CSMD1: variants seen among roughly 807,000 people sequenced by gnomAD.
The protein encoded by CSMD1 is CUB and sushi domain-containing protein 1.
Under a neutral mutation model 417.5 loss-of-function variants are expected in CSMD1, and 213 were observed. The observed-to-expected ratio is 0.51, with a 90% CI of 0.46 to 0.57. The LOEUF is 0.57. Ranked by LOEUF, CSMD1 falls within the 20% of genes least tolerant of loss-of-function variation. The pLI is 0.00. For synonymous variants in CSMD1, 2,862 were observed against 1,736.8 expected (o/e 1.65, Z -16.11); for missense variants, 6,923 against 4,529.7 (o/e 1.53, Z -15.17).
At chr8:4,871,133 G>A (rs972019836) in intron 1 of CSMD1, among the ~76,000 whole-genome samples, 5 of 152,150 alleles carry the variant, frequency 3.3e-5, no homozygotes, top group Non-Finnish European at 5.9e-5. Flanking sequence ...AGGTGCAGCC[G>A]TGATGAGAAT....
chr8:4,095,794 T>C (rs1005934780), intron 3 of CSMD1, among the ~76,000 whole-genome samples: 1 of 152,250 alleles, frequency 6.6e-6, no homozygotes, highest in African/African-American at 2.4e-5. Flanking sequence ...GTTTTATATA[T>C]GTATTTGTAT....
chr8:4,022,975 G>T (rs149875342), intron 4 of CSMD1, among the ~76,000 whole-genome samples: 1 of 152,192 alleles, frequency 6.6e-6, no homozygotes, highest in Non-Finnish European at 1.5e-5. Context: ...CAAATAAATA[G>T]CAGTATGGCA....
intron 3 of CSMD1, among the ~76,000 whole-genome samples, chr8:4,247,543 C>T (rs1026505066): frequency 6.6e-6 from 1 of 152,084 alleles, no homozygotes; most frequent in African/African-American, 2.4e-5. Context: ...CCCGAAGAAT[C>T]AAAGGCTTTT....
At chr8:3,829,625 T>C (rs1205899882) in intron 5 of CSMD1, among the ~76,000 whole-genome samples, 1 of 152,150 alleles carries the variant, frequency 6.6e-6, no homozygotes, top group East Asian at 1.9e-4. Context: ...AAGAAAAAGA[T>C]GTAGAATGAA....
At chr8:3,845,882 C>T (rs986643492) in intron 5 of CSMD1, among the ~76,000 whole-genome samples, 3 of 151,450 alleles carry the variant, frequency 2.0e-5, no homozygotes, top group Admixed American at 6.6e-5. Context: ...GACACAAACA[C>T]ACACGTTGTC....
chr8:3,106,966 C>A (rs1322042182), intron 45 of CSMD1: 2 of 210,378 alleles, frequency 9.5e-6, no homozygotes, highest in Non-Finnish European at 1.9e-5. Flanking sequence ...ATGGTTTAAG[C>A]AAGACTGTAA....
chr8:4,869,728 T>G (rs1211814795), intron 1 of CSMD1, among the ~76,000 whole-genome samples: 1 of 152,088 alleles, frequency 6.6e-6, no homozygotes, highest in Non-Finnish European at 1.5e-5. Context: ...CATGAAGTAA[T>G]AAAACGTTCC....
At chr8:3,546,690 G>T (rs545231098) in intron 10 of CSMD1, among the ~76,000 whole-genome samples, 10 of 152,056 alleles carry the variant, frequency 6.6e-5, no homozygotes, top group Non-Finnish European at 1.2e-4. Flanking sequence ...TAAACAGCTG[G>T]ACAAATCTTC....
At chr8:4,951,024 A>G (rs138945262) in intron 1 of CSMD1, among the ~76,000 whole-genome samples, 150 of 152,312 alleles carry the variant, frequency 9.8e-4, no homozygotes, top group African/African-American at 3.4e-3. Context: ...GAAGGGACCT[A>G]TACATAATTT....
intron 5 of CSMD1, among the ~76,000 whole-genome samples, chr8:3,759,032 C>A (rs1040302646): frequency 6.6e-6 from 1 of 152,184 alleles, no homozygotes; most frequent in Non-Finnish European, 1.5e-5. Context: ...AACGCCTTTT[C>A]CCATAGAGTC....
At chr8:3,790,838 G>A (rs1799695895) in intron 5 of CSMD1, among the ~76,000 whole-genome samples, 1 of 152,144 alleles carries the variant, frequency 6.6e-6, no homozygotes, top group Non-Finnish European at 1.5e-5. Flanking sequence ...AGAGCCCTGA[G>A]TAACCGTCCC....
intron 5 of CSMD1, among the ~76,000 whole-genome samples, chr8:3,928,440 G>T (rs908977639): frequency 4.6e-5 from 7 of 152,180 alleles, no homozygotes; most frequent in African/African-American, 1.7e-4. Context: ...TCAAAAACCA[G>T]TAACTGCTGA....
intron 50 of CSMD1, among the ~76,000 whole-genome samples, chr8:3,046,376 T>C (rs1394004534): frequency 6.6e-6 from 1 of 152,174 alleles, no homozygotes; most frequent in Non-Finnish European, 1.5e-5. Flanking sequence ...TCCGGTTCCT[T>C]CCACCCTACA....
Position 3,313,122 on chromosome 8 carries a change from G to C in CSMD1, c.3632-4619C>G, listed in dbSNP as rs1218195452. 2.6e-5 allele frequency among the ~76,000 whole-genome samples: 4 copies of C among 152,196 alleles called. No individual in the cohort carries two copies. In the South Asian group the frequency reaches 6.2e-4, roughly 24 times the overall value. On this transcript the variant is annotated intron_variant, in intron 23 of 69. Transcript: ENST00000635120. ...TGTTTCCATGTTTTAAGAAATCTCA[G>C]ATGGATTAAAGACTTAAATGTTAGA...
intron 2 of CSMD1, among the ~76,000 whole-genome samples, chr8:4,548,398 G>A (rs1013889982): frequency 3.3e-5 from 5 of 151,900 alleles, no homozygotes; most frequent in South Asian, 2.1e-4. Flanking sequence ...ATATTTAGAC[G>A]CATAGTCTAT....
intron 1 of CSMD1, among the ~76,000 whole-genome samples, chr8:4,686,803 G>C (rs1033145143): frequency 2.0e-5 from 3 of 152,200 alleles, no homozygotes; most frequent in Non-Finnish European, 1.5e-5. Context: ...CCATTTGAAA[G>C]GTTAGAACCA....
At chr8:4,659,922 C>T (rs1391046092) in intron 1 of CSMD1, among the ~76,000 whole-genome samples, 3 of 151,696 alleles carry the variant, frequency 2.0e-5, no homozygotes, top group African/African-American at 7.3e-5. Flanking sequence ...TAATTCAACA[C>T]CCACTCAGGA....
At chr8:4,222,012 A>T (rs1235138272) in intron 3 of CSMD1, among the ~76,000 whole-genome samples, 4 of 151,122 alleles carry the variant, frequency 2.6e-5, no homozygotes, top group African/African-American at 9.8e-5. Flanking sequence ...TACACCACAT[A>T]AACCTGTACA....
chr8:3,023,271 A>G (rs1451687616), intron 51 of CSMD1, among the ~76,000 whole-genome samples: 1 of 152,232 alleles, frequency 6.6e-6, no homozygotes, highest in Non-Finnish European at 1.5e-5. Context: ...TATCTACAAT[A>G]TTACAAAATT....
Sources: allele counts gnomAD v4.1 joint callset (sites outside exome capture counted in the v4.1 genomes callset), GRCh38; gene constraint gnomAD v4.1.1; transcripts MANE v1.5; gene names NCBI Gene and HGNC (gene_info 2026-07-23, HGNC 2026-07-21).